Variants in DHX35 observed in about 807,000 individuals in gnomAD.
DHX35 encodes DEAH-box helicase 35.
DHX35 carries 84 observed loss-of-function variants against 99.6 expected under a neutral mutation model. The ratio of observed to expected loss-of-function variants is 0.84; its 90% CI spans 0.71 to 1.01. The LOEUF (loss-of-function observed/expected upper bound fraction) is 1.01, where lower values mean the gene tolerates loss of function less well. Among genes scored for constraint, DHX35 ranks in the 50% least tolerant of loss-of-function variants. DHX35 has a pLI of 0.00. For missense variants in DHX35, 852 were observed against 888.5 expected, an observed-to-expected ratio of 0.96 and a Z score of 0.52; for synonymous variants, 331 against 316.2, an observed-to-expected ratio of 1.05 and a Z score of -0.50.
Position 38,969,170 on chromosome 20 carries a change from G to T in DHX35, c.130G>T (p.Ala44Ser). The change falls in exon 2 of 22, where the codon GCC becomes TCC. Residue 44 changes from alanine to serine, a missense_variant. By Grantham distance (99) the Ala-to-Ser change is moderately conservative (BLOSUM62 1). Transcript: ENST00000252011. ...GTTVVYNPYA[A>S]LSIEQQRQKL... Reference sequence around the variant, plus strand: ...AACGGTTGTTTACAACCCTTATGCTGCCCTTTCCATAGAGCAGCAGAGGCA... The same window carrying T: ...AACGGTTGTTTACAACCCTTATGCTTCCCTTTCCATAGAGCAGCAGAGGCA... The T allele has an allele frequency of 2.5e-6, 4 of 1,613,550 alleles. No individual in the cohort carries two copies. The highest frequency in any genetic ancestry group is 2.5e-6 in the Non-Finnish European group (3 of 1,179,628).
At position 38,969,139 on chromosome 20, in the gene DHX35, T is replaced by C; in HGVS notation, c.99T>C (p.Ser33=). 6.2e-7 allele frequency: 1 copy of C among 1,614,070 alleles called. No homozygotes were observed. The highest frequency in any genetic ancestry group is 8.5e-7 in the Non-Finnish European group (1 of 1,179,932). The part of the protein sequence containing the change: ...SEERQSLAEN[S]GTTVVYNPYA... The stretch of plus-strand genomic sequence containing the variant: ...AGAGACAAAGTCTGGCTGAAAACTC[T>C]GGGACAACGGTTGTTTACAACCCTT... Residue 33 remains serine, a synonymous_variant, in exon 2 of 22, where the codon TCT becomes TCC. Transcript: ENST00000252011.
chr20:39,001,512 T>C lies in DHX35; in HGVS notation c.643-218T>C, dbSNP rs62202587. ...TAACCTTTATTATTTTTATTAAAACTTTAGTAAAGACACTGTCATTGAAAT... is the reference window on the plus strand; with the variant it reads ...TAACCTTTATTATTTTTATTAAAACCTTAGTAAAGACACTGTCATTGAAAT... On this transcript the variant is annotated intron_variant, in intron 8 of 21. Coordinates refer to ENST00000252011, the MANE Select transcript of DHX35 (RefSeq NM_021931.4). 6.2e-3 allele frequency among the ~76,000 whole-genome samples: 945 copies of C among 152,294 alleles called. 10 individuals are homozygous for C. The highest frequency in any genetic ancestry group is 0.021 in the African/African-American group (893 of 41,566).
intron 11 of DHX35, 83 bp from the exon 12 acceptor site, chr20:39,006,063 T>A: frequency 6.7e-7 from 1 of 1,485,142 alleles, no homozygotes; most frequent in Non-Finnish European, 9.3e-7. Flanking sequence ...GTTGGAAATG[T>A]TAAATCTTTT....
At chr20:38,962,719 C>A in intron 1 of DHX35, 1 of 388,178 alleles carries the variant, frequency 2.6e-6, no homozygotes, top group Middle Eastern at 7.0e-4. Context: ...AAAGCTCCCT[C>A]TCGTGTCTCG....
In DHX35 at chr20:39,028,894, G is replaced by A. The variant is rs190166535; in HGVS notation, c.1883+395G>A. 3.3e-5 allele frequency among the ~76,000 whole-genome samples: 5 copies of A among 152,258 alleles called. No individual in the cohort carries two copies. The East Asian group carries it at 9.6e-4, about 29-fold the overall frequency. On this transcript the variant is annotated intron_variant, in intron 19 of 21. Transcript: ENST00000252011. ...CACGACTGAAGTCCCCTCCCACCCT[G>A]GTATAGTGTGGCCACGTCTGGTGTC...
At chr20:39,018,741 A>C in intron 14 of DHX35, 63 bp from the exon 15 acceptor site, 1 of 1,476,738 alleles carries the variant, frequency 6.8e-7, no homozygotes, top group Non-Finnish European at 9.4e-7. Context: ...TTCTCTCAGC[A>C]ACTGTGTGCC....
chr20:39,002,476 C>T (rs4812349), intron 9 of DHX35, among the ~76,000 whole-genome samples: 51,236 of 152,024 alleles, frequency 0.34, 8,743 homozygotes, highest in Middle Eastern at 0.51. Flanking sequence ...CCACAGCTTC[C>T]GATTTTCACT....
At chr20:38,963,934 C>G (rs1008966591) in intron 1 of DHX35, among the ~76,000 whole-genome samples, 4 of 144,158 alleles carry the variant, frequency 2.8e-5, no homozygotes, top group African/African-American at 9.8e-5. Context: ...CTACCACTTA[C>G]TAAGTTGATG....
chr20:39,030,325 T>A (rs2087028151), intron 19 of DHX35: 1 of 208,950 alleles, frequency 4.8e-6, no homozygotes, highest in African/African-American at 2.3e-5. Flanking sequence ...ATAGTCATTA[T>A]CTTTAGTATT....
chr20:39,015,302 A>G (rs1159831807), intron 14 of DHX35, among the ~76,000 whole-genome samples: 4 of 152,108 alleles, frequency 2.6e-5, no homozygotes, highest in Non-Finnish European at 5.9e-5. Context: ...GTGGCTCAGT[A>G]TTCTCTCCCT....
intron 8 of DHX35, among the ~76,000 whole-genome samples, chr20:38,999,584 G>A (rs1265855971): frequency 6.6e-6 from 1 of 152,094 alleles, no homozygotes. Context: ...TTTTATCCCC[G>A]GTCGAGTAAG....
chr20:39,035,493 T>G (rs944515710), intron 21 of DHX35, among the ~76,000 whole-genome samples: 1 of 152,252 alleles, frequency 6.6e-6, no homozygotes, highest in Admixed American at 6.5e-5. Context: ...TTTTCTCCAT[T>G]AGGGCCAGAA....
intron 3 of DHX35, among the ~76,000 whole-genome samples, chr20:38,977,442 T>A (rs146167606): frequency 4.5e-4 from 68 of 152,346 alleles, no homozygotes; most frequent in African/African-American, 1.6e-3. Context: ...TTTTTTTAAC[T>A]TTATTAAAAT....
intron 21 of DHX35, among the ~76,000 whole-genome samples, chr20:39,034,898 A>G (rs896763490): frequency 1.3e-5 from 2 of 150,472 alleles, no homozygotes; most frequent in African/African-American, 4.9e-5. Context: ...GATTACAGGT[A>G]TGAGCCAGCA....
chr20:39,010,530 G>A (rs913584172), intron 13 of DHX35, 126 bp downstream of exon 13: 2 of 1,348,430 alleles, frequency 1.5e-6, no homozygotes, highest in Non-Finnish European at 1.0e-6. Context: ...TTGTGTGTCT[G>A]CTTTGCAACC....
At chr20:38,998,024 A>T (rs545056936) in intron 8 of DHX35, among the ~76,000 whole-genome samples, 1 of 152,348 alleles carries the variant, frequency 6.6e-6, no homozygotes, top group East Asian at 1.9e-4. Flanking sequence ...GCAGACAAAG[A>T]CAGCAGTGGC....
intron 6 of DHX35, among the ~76,000 whole-genome samples, chr20:38,991,855 C>T (rs1297903979): frequency 1.3e-5 from 2 of 152,136 alleles, no homozygotes; most frequent in Non-Finnish European, 2.9e-5. Flanking sequence ...AATTTTTTAT[C>T]ACTTCCCCCT....
chr20:38,972,083 A>G lies in DHX35; in HGVS notation c.175-476A>G, dbSNP rs983723167. On this transcript the variant is annotated intron_variant, in intron 2 of 21. Transcript: ENST00000252011. Reference sequence around the variant, plus strand: ...AAGTGCAGTGGCATGGTCTCGCCTCACTGCAGCCTCCCCCCGCCTGGGTTC... The same window carrying G: ...AAGTGCAGTGGCATGGTCTCGCCTCGCTGCAGCCTCCCCCCGCCTGGGTTC... 7.4e-5 allele frequency among the ~76,000 whole-genome samples: 10 copies of G among 134,834 alleles called. No individual in the cohort carries two copies. In the Admixed American group the frequency reaches 9.1e-4, roughly 12 times the overall value. 88.5% of individuals were successfully genotyped at this position (134,834 alleles called of 152,430 possible). A position where few individuals can be genotyped will look rare whatever the true frequency, so the allele number is the denominator to read the frequency against.
chr20:39,027,065 A>G (rs2145939629), intron 18 of DHX35, among the ~76,000 whole-genome samples: 1 of 152,208 alleles, frequency 6.6e-6, no homozygotes, highest in Admixed American at 6.5e-5. Context: ...AGTGTCTAAG[A>G]TGCTCCCCTC....
Sources: allele counts gnomAD v4.1 joint callset (sites outside exome capture counted in the v4.1 genomes callset), GRCh38; gene constraint gnomAD v4.1.1; transcripts MANE v1.5; gene names NCBI Gene and HGNC (gene_info 2026-07-23, HGNC 2026-07-21).